Variants in SRGAP3 observed in about 807,000 individuals in gnomAD.
SRGAP3 encodes SLIT-ROBO Rho GTPase activating protein 3.
A neutral mutation model predicts 121.1 loss-of-function variants in SRGAP3; 39 were observed. The ratio of observed to expected loss-of-function variants is 0.32; its 90% CI spans 0.25 to 0.42. SRGAP3 has a LOEUF of 0.42. SRGAP3 is among the 10% of genes least tolerant of loss of function. The pLI is 1.00. For missense variants in SRGAP3, 1,213 were observed against 1,470.6 expected (o/e 0.82, Z 2.86); for synonymous variants, 601 against 570.0 (o/e 1.05, Z -0.77).
intron 18 of SRGAP3, among the ~76,000 whole-genome samples, chr3:9,009,077 C>T (rs900044154): frequency 6.6e-6 from 1 of 152,162 alleles, no homozygotes; most frequent in Non-Finnish European, 1.5e-5. Flanking sequence ...TGAAGCCATC[C>T]CAACCCTGGG....
intron 2 of SRGAP3, among the ~76,000 whole-genome samples, chr3:9,120,690 G>A (rs1948972469): frequency 6.6e-6 from 1 of 152,296 alleles, no homozygotes. Flanking sequence ...CCACTTCCCT[G>A]GGTTGTCATC....
intron 1 of SRGAP3, among the ~76,000 whole-genome samples, chr3:9,343,752 C>T (rs1955832879): frequency 6.6e-6 from 1 of 152,152 alleles, no homozygotes; most frequent in South Asian, 2.1e-4. Flanking sequence ...CTCACTGCAG[C>T]CTTGACCTCC....
rs577842441 is a variant in SRGAP3, at chr3:9,361,342, G to A, written n.214+1498C>T. ...CTAGTCTCAAACTCTGAGCTCAAGC[G>A]AGCCACTCACCTCAGCCTCCCAAAG... On this transcript the variant is annotated intron_variant and non_coding_transcript_variant, in intron 1 of 3. Transcript: ENST00000490889. 1.4e-4 allele frequency among the ~76,000 whole-genome samples: 21 copies of A among 152,148 alleles called. 1 individual carries two copies. In the South Asian group the frequency reaches 3.1e-3, roughly 23 times the overall value.
chr3:9,201,554 G>A (rs189390114), intron 1 of SRGAP3, among the ~76,000 whole-genome samples: 2 of 152,354 alleles, frequency 1.3e-5, no homozygotes, highest in East Asian at 3.9e-4. Flanking sequence ...CTTGACAAGA[G>A]AGGAAAAGAC....
At chr3:9,013,589 G>T in intron 16 of SRGAP3, 54 bp from the exon 17 acceptor site, 5 of 1,597,478 alleles carry the variant, frequency 3.1e-6, no homozygotes, top group Non-Finnish European at 3.4e-6. Context: ...TCCTCCCCCT[G>T]TGTTTTTTTT....
At chr3:9,230,310 T>C (rs1953154033) in intron 1 of SRGAP3, among the ~76,000 whole-genome samples, 1 of 152,172 alleles carries the variant, frequency 6.6e-6, no homozygotes, top group African/African-American at 2.4e-5. Context: ...CCTGGTCAGT[T>C]CAATACCAAC....
intron 1 of SRGAP3, among the ~76,000 whole-genome samples, chr3:9,190,099 G>A (rs1446385029): frequency 1.3e-5 from 2 of 152,218 alleles, no homozygotes; most frequent in Non-Finnish European, 2.9e-5. Flanking sequence ...ACCAGTAAGT[G>A]ACAAAGTAGG....
chr3:9,038,648 C>T (rs756239235), intron 10 of SRGAP3, among the ~76,000 whole-genome samples: 1 of 152,230 alleles, frequency 6.6e-6, no homozygotes, highest in Non-Finnish European at 1.5e-5. Context: ...TGAAGATCTT[C>T]TCATTTTCTT....
Position 8,985,410 on chromosome 3 carries a change from C to T in SRGAP3, c.*109G>A. Reference sequence around the variant, plus strand: ...GCACAGACACACCCTCCCAGACGGACCTCTGCCCTCCAAGGCCAGGGTCAC... The same window carrying T: ...GCACAGACACACCCTCCCAGACGGATCTCTGCCCTCCAAGGCCAGGGTCAC... On this transcript the variant is annotated 3_prime_UTR_variant, in exon 22 of 22. Transcript: ENST00000383836. The surrounding 1 kb of genome is among the most constrained non-coding windows in gnomAD (Gnocchi z 5.1). 6.5e-7 allele frequency: 1 copy of T among 1,540,440 alleles called. No homozygotes were observed. The highest frequency in any genetic ancestry group is 8.7e-7 in the Non-Finnish European group (1 of 1,150,912).
intron 1 of SRGAP3, among the ~76,000 whole-genome samples, chr3:9,333,832 A>T (rs1026262334): frequency 3.3e-5 from 5 of 152,142 alleles, no homozygotes; most frequent in Admixed American, 1.3e-4. Context: ...GTGAAAATTA[A>T]ATTCAAATCA....
intron 1 of SRGAP3, among the ~76,000 whole-genome samples, chr3:9,187,391 CG>C (rs1026994192): frequency 4.6e-5 from 7 of 152,084 alleles, no homozygotes; most frequent in African/African-American, 1.7e-4. Flanking sequence ...GAGGGCAAGT[CG>C]GGGAGAACTG....
intron 2 of SRGAP3, among the ~76,000 whole-genome samples, chr3:9,107,559 G>C (rs1948461906): frequency 6.6e-6 from 1 of 152,184 alleles, no homozygotes; most frequent in African/African-American, 2.4e-5. Context: ...TACCTCCCTA[G>C]AGAACACCCC....
chr3:9,356,289 T>G (rs1390616106), intron 1 of SRGAP3, among the ~76,000 whole-genome samples: 2 of 138,314 alleles, frequency 1.4e-5, no homozygotes, highest in Non-Finnish European at 3.1e-5. Flanking sequence ...CCTCCCAGGC[T>G]CAAGCAATCC....
intron 3 of SRGAP3, among the ~76,000 whole-genome samples, chr3:9,255,727 A>C (rs1302769674): frequency 6.6e-6 from 1 of 152,198 alleles, no homozygotes; most frequent in Non-Finnish European, 1.5e-5. Context: ...TATTCCAGAA[A>C]GAGGAGGTTG....
At chr3:9,133,791 G>A (rs774027812) in intron 1 of SRGAP3, among the ~76,000 whole-genome samples, 1 of 152,164 alleles carries the variant, frequency 6.6e-6, no homozygotes. Flanking sequence ...TTTATACTAC[G>A]ATGAAAACTT....
At chr3:8,986,348 G>C (rs1161198461) in intron 21 of SRGAP3, among the ~76,000 whole-genome samples, 2 of 152,174 alleles carry the variant, frequency 1.3e-5, no homozygotes, top group Non-Finnish European at 2.9e-5. Context: ...TACAGTCCCT[G>C]TGAAGAGCCT....
intron 3 of SRGAP3, among the ~76,000 whole-genome samples, chr3:9,294,550 C>CA (rs61403993): frequency 0.39 from 49,304 of 125,210 alleles, 8,434 homozygotes; most frequent in Non-Finnish European, 0.46. Flanking sequence ...AACAAACAAA[C>CA]AAAAAAAAAC....
chr3:9,123,726 GTA>G (rs765426970), intron 2 of SRGAP3, among the ~76,000 whole-genome samples: 123 of 138,898 alleles, frequency 8.9e-4, no homozygotes, highest in East Asian at 1.4e-3. Context: ...ATATATATAT[GTA>G]TATATGTGTG....
At chr3:9,148,293 C>G (rs1171993819) in intron 1 of SRGAP3, among the ~76,000 whole-genome samples, 1 of 152,180 alleles carries the variant, frequency 6.6e-6, no homozygotes. Context: ...CAGCATTTCT[C>G]TGTGCTAGGC....
Sources: allele counts gnomAD v4.1 joint callset (sites outside exome capture counted in the v4.1 genomes callset), GRCh38; gene constraint gnomAD v4.1.1; non-coding constraint Gnocchi (gnomAD v3.1); transcripts MANE v1.5; gene names NCBI Gene and HGNC (gene_info 2026-07-23, HGNC 2026-07-21).